ATRX: variants seen among roughly 807,000 people sequenced by gnomAD.
The protein encoded by ATRX is chromatin remodeler ATRX.
Under a neutral mutation model 172.6 loss-of-function variants are expected in ATRX, and 12 were observed. The observed-to-expected ratio is 0.07, with a 90% CI of 0.04 to 0.11. The LOEUF is 0.11. ATRX is among the 10% of genes least tolerant of loss of function. The pLI is 1.00. For synonymous variants in ATRX, 674 were observed against 594.7 expected (o/e 1.13, Z -1.94); for missense variants, 1,368 against 1,767.4 (o/e 0.77, Z 4.05).
chrX:77,533,783 A>AC (rs1569518313), intron 30 of ATRX, among the ~76,000 whole-genome samples: 3 of 111,974 alleles, frequency 2.7e-5, no homozygotes, highest in Non-Finnish European at 5.6e-5. Flanking sequence ...AAAAGTTGAA[A>AC]GAAAAAAAAT....
At chrX:77,551,039 C>A (rs181837598) in intron 30 of ATRX, among the ~76,000 whole-genome samples, 2 of 111,516 alleles carry the variant, frequency 1.8e-5, no homozygotes, top group Non-Finnish European at 3.8e-5. Context: ...GGCCACACTG[C>A]CCAAGGTAAT....
At chrX:77,516,816 G>T (rs916360827) in intron 34 of ATRX, among the ~76,000 whole-genome samples, 1 of 111,673 alleles carries the variant, frequency 9.0e-6, no homozygotes, top group Non-Finnish European at 1.9e-5. Flanking sequence ...CTCAAGGAAA[G>T]ACCATATATT....
intron 5 of ATRX, among the ~76,000 whole-genome samples, chrX:77,694,395 A>T: frequency 9.0e-6 from 1 of 111,303 alleles, no homozygotes; most frequent in East Asian, 2.8e-4. Context: ...GTAGTTTTAT[A>T]TTGCAAGGGA....
chrX:77,689,931 A>G (rs1249599098), intron 6 of ATRX, among the ~76,000 whole-genome samples: 6 of 112,369 alleles, frequency 5.3e-5, no homozygotes, highest in Non-Finnish European at 1.9e-5. Context: ...CAACTAAAAA[A>G]CAAATTGGCT....
At chrX:77,546,420 C>G (rs782621035) in intron 30 of ATRX, among the ~76,000 whole-genome samples, 134 of 110,908 alleles carry the variant, frequency 1.2e-3, no homozygotes, top group Non-Finnish European at 2.3e-3. Flanking sequence ...AGTGGTAGAC[C>G]TTGTCAAAAA....
chrX:77,658,416 T>C (rs1325856827), intron 12 of ATRX, among the ~76,000 whole-genome samples: 1 of 111,983 alleles, frequency 8.9e-6, no homozygotes, highest in East Asian at 2.8e-4. Flanking sequence ...GACTGAGGAA[T>C]TGTCACAGGC....
At chrX:77,746,889 C>A (rs1035325587) in intron 1 of ATRX, among the ~76,000 whole-genome samples, 20 of 110,969 alleles carry the variant, frequency 1.8e-4, no homozygotes, top group African/African-American at 6.2e-4. Flanking sequence ...CAACCTCCAC[C>A]TCCCGGGTTC....
intron 2 of ATRX, among the ~76,000 whole-genome samples, chrX:77,704,513 G>A (rs942319361): frequency 7.2e-5 from 8 of 111,858 alleles, no homozygotes; most frequent in Non-Finnish European, 1.3e-4. Context: ...TCCTCACCAG[G>A]GACCTGCCAC....
At chrX:77,764,332 T>C (rs1481408250) in intron 1 of ATRX, among the ~76,000 whole-genome samples, 1 of 111,933 alleles carries the variant, frequency 8.9e-6, no homozygotes. Context: ...TGATCTACTA[T>C]TGTATTGTAC....
chrX:77,720,206 A>G, intron 1 of ATRX, among the ~76,000 whole-genome samples: 1 of 112,185 alleles, frequency 8.9e-6, no homozygotes, highest in Admixed American at 9.5e-5. Context: ...TTATAGCACT[A>G]AATGCCCACA....
intron 34 of ATRX, among the ~76,000 whole-genome samples, chrX:77,516,696 T>C (rs1557039242): frequency 9.0e-6 from 1 of 110,989 alleles, no homozygotes; most frequent in African/African-American, 3.3e-5. Flanking sequence ...AGAAAATCAA[T>C]AAAAAAAACC....
chrX:77,602,786 G>A (rs947768552), intron 22 of ATRX, among the ~76,000 whole-genome samples: 13 of 110,791 alleles, frequency 1.2e-4, no homozygotes, highest in Non-Finnish European at 1.1e-4. Flanking sequence ...AGTAAGAAGA[G>A]GAATGTTTTA....
chrX:77,605,387 C>T lies in ATRX; in HGVS notation c.5567-4823G>A, dbSNP rs540986198. 3.6e-5 allele frequency among the ~76,000 whole-genome samples: 4 copies of T among 111,107 alleles called. No homozygotes were observed. The South Asian group carries it at 1.5e-3, about 42-fold the overall frequency. ...AGGTTGCAGTGAGCTGAGATCGCAC[C>T]ACTGCACTCCAGCCTGGGTGATGGA... On this transcript the variant is annotated intron_variant, in intron 22 of 34. Coordinates refer to ENST00000373344, the MANE Select transcript of ATRX (RefSeq NM_000489.6).
chrX:77,734,275 C>T (rs1206205481), intron 1 of ATRX, among the ~76,000 whole-genome samples: 1 of 105,282 alleles, frequency 9.5e-6, no homozygotes, highest in Non-Finnish European at 1.9e-5. Flanking sequence ...ATTAGTTGGG[C>T]ATGGTGGTAG....
At chrX:77,626,064 T>TGC (rs2067834027) in intron 19 of ATRX, among the ~76,000 whole-genome samples, 1 of 50,622 alleles carries the variant, frequency 2.0e-5, no homozygotes, top group African/African-American at 7.0e-5. Flanking sequence ...TATATATATA[T>TGC]ATATATATAT....
In ATRX at chrX:77,684,127, C is replaced by T. The variant is rs1557142268; in HGVS notation, c.1129G>A (p.Ala377Thr). 1.7e-6 allele frequency: 2 copies of T among 1,205,828 alleles called. No individual in the cohort carries two copies. The highest frequency in any genetic ancestry group is 2.2e-6 in the Non-Finnish European group (2 of 892,671). ...NSSYVKFLKQATDNSEISSAT... is the reference protein window; with the variant it reads ...NSSYVKFLKQTTDNSEISSAT... ...GAACTGATTTCTGAATTATCTGTTGCCTGCTTTAAAAATTTAACATAACTG... is the reference window on the plus strand; with the variant it reads ...GAACTGATTTCTGAATTATCTGTTGTCTGCTTTAAAAATTTAACATAACTG... The change falls in exon 9 of 35, where the codon GCA (alanine) becomes ACA (threonine). Residue 377 changes from alanine to threonine, a missense_variant. Around this residue, in one of 17 missense-constraint regions of ATRX, gnomAD observed 843 missense variants for 643.1 expected, o/e 1.31. Coordinates refer to ENST00000373344, the MANE Select transcript of ATRX (RefSeq NM_000489.6).
intron 30 of ATRX, among the ~76,000 whole-genome samples, chrX:77,549,850 T>C (rs1468345922): frequency 4.5e-5 from 5 of 112,184 alleles, no homozygotes; most frequent in Admixed American, 9.5e-5. Context: ...ACAGGCATAG[T>C]GGCTCATGCC....
chrX:77,760,792 TTAAA>T (rs782346494), intron 1 of ATRX, among the ~76,000 whole-genome samples: 209 of 111,722 alleles, frequency 1.9e-3, no homozygotes, highest in Admixed American at 5.0e-3. Context: ...TATTTCCCAC[TTAAA>T]TAATAAAAAA....
intron 29 of ATRX, 43 bp from the exon 30 acceptor site, chrX:77,557,688 G>A (rs1463510181): frequency 1.8e-6 from 2 of 1,099,364 alleles, no homozygotes; most frequent in Non-Finnish European, 2.5e-6. Context: ...ATAAAATTTT[G>A]TAAGCATGAA....
Sources: gnomAD v4.1 joint callset for allele counts (sites outside exome capture counted in the v4.1 genomes callset) on GRCh38, gnomAD v4.1.1 for gene constraint, gnomAD v4.1.1 regional missense constraint, MANE v1.5 for transcripts, NCBI Gene and HGNC (gene_info 2026-07-23, HGNC 2026-07-21) for gene names.